Variants in CES1 observed in about 807,000 individuals in gnomAD.
CES1 encodes the protein liver carboxylesterase 1.
A neutral mutation model predicts 53.0 loss-of-function variants in CES1; 50 were observed. That is an observed-to-expected ratio of 0.94 (90% confidence interval 0.75 to 1.19). The LOEUF (loss-of-function observed/expected upper bound fraction) is 1.19, where lower values mean the gene tolerates loss of function less well. Among genes scored for constraint, CES1 ranks in the 50% most tolerant of loss-of-function variants. The pLI is 0.00. For missense variants in CES1, 534 were observed against 538.0 expected (o/e 0.99, Z 0.07); for synonymous variants, 202 against 210.1 (o/e 0.96, Z 0.33).
Position 55,820,871 on chromosome 16 carries a change from A to T in CES1, c.694-392T>A, listed in dbSNP as rs368735877. 1.6e-3 allele frequency among the ~76,000 whole-genome samples: 246 copies of T among 152,176 alleles called. 2 individuals carry two copies. In the South Asian group the frequency reaches 0.047, roughly 29 times the overall value. ...ACTGTCGCCTCCTTCTTGGGCATGG[A>T]CAAGCCATCAGACCACCCCAGAGGA... On this transcript the variant is annotated intron_variant, in intron 5 of 13. Transcript: ENST00000360526.
At chr16:55,817,264 T>C (rs1186688650) in intron 7 of CES1, among the ~76,000 whole-genome samples, 1 of 152,110 alleles carries the variant, frequency 6.6e-6, no homozygotes, top group East Asian at 1.9e-4. Context: ...CCAGGAGATA[T>C]ATCTGCCTAA....
intron 8 of CES1, among the ~76,000 whole-genome samples, chr16:55,816,601 G>A (rs1215522085): frequency 6.6e-6 from 1 of 152,188 alleles, no homozygotes; most frequent in African/African-American, 2.4e-5. Context: ...TCCTGATTGT[G>A]GAAGGTTCTG....
At chr16:55,816,136 C>T (rs1288066053) in intron 8 of CES1, among the ~76,000 whole-genome samples, 2 of 152,292 alleles carry the variant, frequency 1.3e-5, no homozygotes, top group Non-Finnish European at 2.9e-5. Flanking sequence ...ATTGAAGCCA[C>T]CCACAAACTC....
In CES1 at chr16:55,828,834, T is replaced by A. The variant is rs756584724; in HGVS notation, c.193A>T (p.Arg65Trp). 1 of 1,614,232 alleles carries A rather than the reference T, an allele frequency of 6.2e-7. No individual in the cohort carries two copies. Among genetic ancestry groups the A allele is most frequent in the Non-Finnish European group, 8.5e-7 (1 of 1,180,058 alleles). Reference sequence around the variant, plus strand: ...TCTGCAGGCTGCGGTGGAGTAAACCTCAGGGGTCCAAGAGGCGGCTTGGCA... The same window carrying A: ...TCTGCAGGCTGCGGTGGAGTAAACCACAGGGGTCCAAGAGGCGGCTTGGCA... ...PFAKPPLGPL[R>W]FTPPQPAEPW... is the part of the protein sequence containing the mutation. The change falls in exon 2 of 14, where the codon AGG becomes TGG. Residue 65 changes from arginine (R) to tryptophan (W), a missense_variant. By Grantham distance (101) the Arg-to-Trp change is moderately radical. This residue lies in a region of CES1 where 164 missense variants were observed against 162.4 expected (regional missense o/e 1.01). Transcript: ENST00000360526.
At chr16:55,817,047 G>C (rs1202563935) in intron 7 of CES1, 85 bp from the exon 8 acceptor site, 1 of 1,424,328 alleles carries the variant, frequency 7.0e-7, no homozygotes, top group Non-Finnish European at 9.9e-7. Context: ...GAGGTGTCAG[G>C]TTCTTCCCGC....
At position 55,828,931 on chromosome 16, in the gene CES1, G is replaced by C; in HGVS notation, c.96C>G (p.Gly32=). ...AGCTGACGAACTTCCCCAGCACTTT[G>C]CCATGCACGGTGTCCACCACAGGTG... ...SSPPVVDTVH[G]KVLGKFVSLE... The change falls in exon 2 of 14, where the codon GGC becomes GGG. Residue 32 remains glycine (G), a synonymous_variant. Coordinates refer to ENST00000360526, the MANE Select transcript of CES1 (RefSeq NM_001025195.2). The C allele has an allele frequency of 2.5e-6, 4 of 1,613,634 alleles. No homozygotes were observed. The highest frequency in any genetic ancestry group is 3.4e-6 in the Non-Finnish European group (4 of 1,179,850).
Position 55,826,184 on chromosome 16 carries a change from A to G in CES1, c.372T>C (p.Thr124=), listed in dbSNP as rs2032408800. 1 of 1,613,832 alleles carries G rather than the reference A, an allele frequency of 6.2e-7. No individual in the cohort carries two copies. The highest frequency in any genetic ancestry group is 8.5e-7 in the Non-Finnish European group (1 of 1,179,864). ...TGTTTTTCTTGGTCAAGTCAGCAGG[A>G]GTGTAAATATTGAGGTAAAGACAGT... ...SEDCLYLNIY[T]PADLTKKNRL... The change falls in exon 3 of 14, where the codon ACT becomes ACC. Residue 124 remains threonine, a synonymous_variant. Transcript: ENST00000360526.
Position 55,826,172 on chromosome 16 carries a change from C to T in CES1, c.384G>A (p.Leu128=), listed in dbSNP as rs755325801. 2.0e-4 allele frequency: 322 copies of T among 1,613,826 alleles called. No individual in the cohort carries two copies. Among genetic ancestry groups the T allele is most frequent in the Non-Finnish European group, 2.6e-4 (309 of 1,179,876 alleles). ...LYLNIYTPAD[L]TKKNRLPVMV... is the part of the protein sequence containing the mutation. ...TTACCGGCAGCCTGTTTTTCTTGGT[C>T]AAGTCAGCAGGAGTGTAAATATTGA... Residue 128 remains leucine, a synonymous_variant, in exon 3 of 14, where the codon TTG becomes TTA. Coordinates refer to ENST00000360526, the MANE Select transcript of CES1 (RefSeq NM_001025195.2).
At chr16:55,812,840 G>T in intron 9 of CES1, 63 bp downstream of exon 9, 29 of 1,607,758 alleles carry the variant, frequency 1.8e-5, no homozygotes, top group Non-Finnish European at 2.5e-5. Flanking sequence ...GCATTCCTGG[G>T]ACCAGAGACA....
At chr16:55,812,823 G>C (rs1424935126) in intron 9 of CES1, 80 bp downstream of exon 9, 29 of 1,587,432 alleles carry the variant, frequency 1.8e-5, no homozygotes, top group African/African-American at 2.7e-5. Flanking sequence ...GCAGCTCGGA[G>C]AGGGAAGCAT....
intron 1 of CES1, among the ~76,000 whole-genome samples, chr16:55,830,825 G>GGAAGGAAA (rs2032631695): frequency 6.9e-6 from 1 of 145,034 alleles, no homozygotes; most frequent in African/African-American, 2.5e-5. Context: ...AAGGAAGGCA[G>GGAAGGAAA]GCAGGCAGGC....
rs185305818 is a variant in CES1 at position 55,829,252 on chromosome 16, C to T, written c.53-278G>A. Reference sequence around the variant, plus strand: ...AGGAAAGAACAAGACATTTAGCTTCCCCCTTAGAAGTCTCTGGAAACATTT... The same window carrying T: ...AGGAAAGAACAAGACATTTAGCTTCTCCCTTAGAAGTCTCTGGAAACATTT... On this transcript the variant is annotated intron_variant, in intron 1 of 13. Coordinates refer to ENST00000360526, the MANE Select transcript of CES1 (RefSeq NM_001025195.2). 1.8e-3 allele frequency among the ~76,000 whole-genome samples: 280 copies of T among 152,332 alleles called. 1 individual carries two copies. Among genetic ancestry groups the T allele is most frequent in the African/African-American group, 6.0e-3 (248 of 41,562 alleles).
intron 8 of CES1, among the ~76,000 whole-genome samples, chr16:55,815,014 C>T (rs762373598): frequency 9.9e-5 from 15 of 152,240 alleles, no homozygotes; most frequent in Non-Finnish European, 1.6e-4. Flanking sequence ...GTGGAAGAGA[C>T]GCCGCCTGCC....
intron 9 of CES1, among the ~76,000 whole-genome samples, chr16:55,811,345 G>T (rs1362592747): frequency 1.3e-5 from 2 of 152,102 alleles, no homozygotes; most frequent in Non-Finnish European, 2.9e-5. Flanking sequence ...GATGCAAGGT[G>T]TCTGCCAGGC....
chr16:55,810,497 G>C lies in CES1; in HGVS notation c.1318+20C>G, dbSNP rs181292839. On this transcript the variant is annotated intron_variant, in intron 11 of 13. Coordinates refer to ENST00000360526, the MANE Select transcript of CES1 (RefSeq NM_001025195.2). ...AGCTCGTGGGGTTTGTGTCCCTCCC[G>C]TTCGACCTCTGGGACTCACCTCTGT... 4.3e-6 allele frequency: 7 copies of C among 1,613,580 alleles called. No homozygotes were observed. Among genetic ancestry groups the C allele is most frequent in the African/African-American group, 1.3e-5 (1 of 74,780 alleles).
intron 8 of CES1, among the ~76,000 whole-genome samples, chr16:55,815,856 AG>A (rs532028076): frequency 1.1e-3 from 160 of 152,362 alleles, no homozygotes; most frequent in African/African-American, 3.5e-3. Context: ...AAACCTCCAA[AG>A]GCTTCCCATC....
At chr16:55,815,584 C>G (rs1302053337) in intron 8 of CES1, among the ~76,000 whole-genome samples, 1 of 152,204 alleles carries the variant, frequency 6.6e-6, no homozygotes, top group African/African-American at 2.4e-5. Flanking sequence ...TCCTCCACTC[C>G]TCCCCGTTTC....
rs1426473832 is a variant in CES1 at position 55,819,020 on chromosome 16, A to G, written c.906+515T>C. Among the ~76,000 whole-genome samples the G allele has an allele frequency of 3.3e-5, 5 of 152,278 alleles. No individual in the cohort carries two copies. In the South Asian group the frequency reaches 8.3e-4, roughly 25 times the overall value. On this transcript the variant is annotated intron_variant, in intron 7 of 13. Transcript: ENST00000360526. Reference sequence around the variant, plus strand: ...GAATTGGATGAATTAGTGAACAGATAGATGGATAAGACAATCATAGATAGA... The same window carrying G: ...GAATTGGATGAATTAGTGAACAGATGGATGGATAAGACAATCATAGATAGA...
intron 11 of CES1, among the ~76,000 whole-genome samples, chr16:55,808,914 T>A (rs1363382104): frequency 6.6e-6 from 1 of 152,052 alleles, no homozygotes; most frequent in Non-Finnish European, 1.5e-5. Flanking sequence ...ACACAAAAAA[T>A]TTATAGCACT....
Sources: allele counts gnomAD v4.1 joint callset (sites outside exome capture counted in the v4.1 genomes callset), GRCh38; gene constraint gnomAD v4.1.1; regional missense constraint gnomAD v4.1.1; transcripts MANE v1.5; gene names NCBI Gene and HGNC (gene_info 2026-07-23, HGNC 2026-07-21).